Variants in SERPINI1 observed in about 807,000 individuals in gnomAD.
SERPINI1 encodes the protein neuroserpin.
Under a neutral mutation model 41.1 loss-of-function variants are expected in SERPINI1, and 19 were observed. The observed-to-expected ratio is 0.46, with a 90% CI of 0.32 to 0.68. SERPINI1 has a LOEUF of 0.68. SERPINI1 is among the 30% of genes least tolerant of loss of function. The pLI, the probability that SERPINI1 is intolerant of heterozygous loss-of-function variation, is 0.03. For missense variants in SERPINI1, 460 were observed against 479.2 expected, an observed-to-expected ratio of 0.96 and a Z score of 0.37; for synonymous variants, 138 against 156.6, an observed-to-expected ratio of 0.88 and a Z score of 0.89.
chr3:167,812,933 G>A (rs966218893), intron 6 of SERPINI1, among the ~76,000 whole-genome samples: 1 of 152,208 alleles, frequency 6.6e-6, no homozygotes, highest in African/African-American at 2.4e-5. Context: ...GGAAATGGAT[G>A]ACTGTCAGCA....
intron 1 of SERPINI1, among the ~76,000 whole-genome samples, chr3:167,747,235 G>T (rs952084059): frequency 1.3e-5 from 2 of 152,176 alleles, no homozygotes; most frequent in African/African-American, 4.8e-5. Flanking sequence ...TTACTAGTAA[G>T]GGACAAAGGG....
At chr3:167,773,611 A>G (rs1467788660) in intron 1 of SERPINI1, among the ~76,000 whole-genome samples, 2 of 152,226 alleles carry the variant, frequency 1.3e-5, no homozygotes, top group Non-Finnish European at 2.9e-5. Flanking sequence ...TGCAATAAAA[A>G]TTATAAGTTG....
chr3:167,771,062 A>G (rs1577408584), intron 1 of SERPINI1, among the ~76,000 whole-genome samples: 1 of 152,196 alleles, frequency 6.6e-6, no homozygotes, highest in East Asian at 1.9e-4. Context: ...TTTCTGTTTG[A>G]GTATATTTTT....
chr3:167,814,951 TA>T (rs1712022718), intron 6 of SERPINI1, among the ~76,000 whole-genome samples: 1 of 152,324 alleles, frequency 6.6e-6, no homozygotes, highest in South Asian at 2.1e-4. Flanking sequence ...AACAAAAAAC[TA>T]TTTGCCTTTG....
At chr3:167,744,853 TTATATATATATATAAA>T (rs1725815963) in intron 1 of SERPINI1, among the ~76,000 whole-genome samples, 1 of 113,990 alleles carries the variant, frequency 8.8e-6, no homozygotes, top group Non-Finnish European at 1.7e-5. Flanking sequence ...ATAACTATAG[TTATATATATATATAAA>T]TATATATATA....
rs1415992437 is a variant in SERPINI1, at chr3:167,802,745, A to ATGGTAT, written c.882-4499_882-4498insTGGTAT. On this transcript the variant is annotated intron_variant, in intron 5 of 8. Transcript: ENST00000446050. ...GATTCCTCAGGGATCTAGAACTAGAAATACCATTTGACCCAGCCATCCCAT... is the reference window on the plus strand; with the variant it reads ...GATTCCTCAGGGATCTAGAACTAGAATGGTATATACCATTTGACCCAGCCATCCCAT... Among the ~76,000 whole-genome samples, 72 of 144,584 alleles carry ATGGTAT rather than the reference A, an allele frequency of 5.0e-4. 1 individual carries two copies. In the East Asian group the frequency reaches 0.014, roughly 29 times the overall value. 94.9% of individuals were successfully genotyped at this position (144,584 alleles called of 152,430 possible).
chr3:167,755,794 AT>A (rs34182780), intron 1 of SERPINI1, among the ~76,000 whole-genome samples: 7,232 of 119,148 alleles, frequency 0.061, 159 homozygotes, highest in Admixed American at 0.09. Context: ...GGTGTTGCTG[AT>A]TTTTTTTTTT....
At chr3:167,754,314 G>T (rs1246261176) in intron 1 of SERPINI1, among the ~76,000 whole-genome samples, 2 of 152,184 alleles carry the variant, frequency 1.3e-5, no homozygotes, top group Non-Finnish European at 2.9e-5. Context: ...CTACAGAGAT[G>T]CATCTTCAGC....
Position 167,821,134 on chromosome 3 carries a change from A to T in SERPINI1, c.980-1852A>T, listed in dbSNP as rs140094499. Among the ~76,000 whole-genome samples the T allele has an allele frequency of 6.7e-3, 1,012 of 152,074 alleles. 14 individuals carry two copies. Among genetic ancestry groups the T allele is most frequent in the African/African-American group, 0.023 (959 of 41,466 alleles). On this transcript the variant is annotated intron_variant, in intron 6 of 8. Coordinates refer to ENST00000446050, the MANE Select transcript of SERPINI1 (RefSeq NM_001122752.2). ...CACCTCTTTGCCTTGCTCACCCTCC[A>T]CTTGTCTACATGCCTCATTCTTCCT...
chr3:167,748,928 G>A (rs540514960), intron 1 of SERPINI1, among the ~76,000 whole-genome samples: 105 of 152,136 alleles, frequency 6.9e-4, no homozygotes, highest in African/African-American at 1.9e-3. Context: ...TTTGGGATAC[G>A]GGAGAAACTG....
chr3:167,815,919 A>T (rs533064375), intron 6 of SERPINI1, among the ~76,000 whole-genome samples: 2 of 152,110 alleles, frequency 1.3e-5, no homozygotes, highest in Non-Finnish European at 2.9e-5. Flanking sequence ...ACTCAATCAG[A>T]TTTTGAAGTC....
intron 1 of SERPINI1, among the ~76,000 whole-genome samples, chr3:167,759,884 A>G (rs1394639835): frequency 2.0e-5 from 3 of 152,214 alleles, no homozygotes; most frequent in East Asian, 1.9e-4. Context: ...CTCTTAATCC[A>G]GTTTTGTTTT....
Position 167,824,499 on chromosome 3 carries a change from G to A in SERPINI1, c.1093G>A (p.Val365Met). ...SGMIAISRMA[V>M]LYPQVIVDHP... ...AATGATTGCAATTAGTAGGATGGCT[G>A]TGCTGTATCCTCAAGTTATTGTCGA... The change falls in exon 8 of 9, where the codon GTG becomes ATG. Residue 365 changes from valine (V) to methionine (M), a missense_variant. Val to Met is a conservative substitution (Grantham distance 21). Coordinates refer to ENST00000446050, the MANE Select transcript of SERPINI1 (RefSeq NM_001122752.2). The A allele has an allele frequency of 6.2e-7, 1 of 1,613,438 alleles. No homozygotes were observed. The highest frequency in any genetic ancestry group is 8.5e-7 in the Non-Finnish European group (1 of 1,179,572).
chr3:167,753,661 C>A (rs1222948172), intron 1 of SERPINI1, among the ~76,000 whole-genome samples: 1 of 152,134 alleles, frequency 6.6e-6, no homozygotes, highest in Non-Finnish European at 1.5e-5. Context: ...GTGCCTACTA[C>A]AGACTGGCTA....
chr3:167,798,746 C>G (rs1268130593), intron 5 of SERPINI1, among the ~76,000 whole-genome samples: 1 of 152,022 alleles, frequency 6.6e-6, no homozygotes, highest in African/African-American at 2.4e-5. Context: ...CCTTGAAAAC[C>G]AAATACTGCA....
intron 7 of SERPINI1, 75 bp from the exon 8 acceptor site, chr3:167,824,398 T>A (rs1374533047): frequency 9.1e-7 from 1 of 1,099,784 alleles, no homozygotes; most frequent in Non-Finnish European, 1.4e-6. Context: ...TGGATAGGCA[T>A]AGATGGTTTT....
At chr3:167,779,140 C>A (rs1020487105) in intron 1 of SERPINI1, among the ~76,000 whole-genome samples, 21 of 152,134 alleles carry the variant, frequency 1.4e-4, no homozygotes, top group African/African-American at 5.1e-4. Flanking sequence ...CAGTACCTTC[C>A]TAGTCTAATT....
At chr3:167,796,805 G>A (rs189046662) in intron 5 of SERPINI1, among the ~76,000 whole-genome samples, 15 of 152,114 alleles carry the variant, frequency 9.9e-5, no homozygotes, top group Admixed American at 2.0e-4. Flanking sequence ...TTGCTATTGT[G>A]AATAGTGCTG....
chr3:167,784,672 C>G (rs535828315), intron 1 of SERPINI1, among the ~76,000 whole-genome samples: 8 of 152,216 alleles, frequency 5.3e-5, no homozygotes, highest in Non-Finnish European at 1.2e-4. Flanking sequence ...GCTTATAAAA[C>G]CATCAGATCT....
Sources: gnomAD v4.1 joint callset for allele counts (sites outside exome capture counted in the v4.1 genomes callset) on GRCh38, gnomAD v4.1.1 for gene constraint, MANE v1.5 for transcripts, NCBI Gene and HGNC (gene_info 2026-07-23, HGNC 2026-07-21) for gene names.